The following MKKS variants were observed in gnomAD, a reference collection of about 807,000 sequenced individuals.
The protein encoded by MKKS is molecular chaperone MKKS.
MKKS carries 29 observed loss-of-function variants against 33.2 expected under a neutral mutation model. The ratio of observed to expected loss-of-function variants is 0.87; its 90% confidence interval spans 0.65 to 1.19. The LOEUF (loss-of-function observed/expected upper bound fraction) is 1.19, where lower values mean the gene tolerates loss of function less well. Ranked by LOEUF, MKKS falls within the 50% of genes most tolerant of loss-of-function variation. MKKS has a pLI of 0.00. For synonymous variants in MKKS, 260 were observed against 244.0 expected, an observed-to-expected ratio of 1.07 and a Z score of -0.61; for missense variants, 661 against 662.3, an observed-to-expected ratio of 1.00 and a Z score of 0.02.
chr20:10,406,601 T>C (rs1425705441), intron 5 of MKKS, among the ~76,000 whole-genome samples: 1 of 152,210 alleles, frequency 6.6e-6, no homozygotes, highest in Non-Finnish European at 1.5e-5. Context: ...TAATGATGCA[T>C]TTCTCAGAAT....
At chr20:10,429,791 T>G (rs1195514574) in intron 1 of MKKS, among the ~76,000 whole-genome samples, 1 of 152,166 alleles carries the variant, frequency 6.6e-6, no homozygotes, top group Non-Finnish European at 1.5e-5. Flanking sequence ...TCAATTCCAG[T>G]AGTTCTCAAA....
chr20:10,433,323 C>T (rs2065068290), intron 1 of MKKS, among the ~76,000 whole-genome samples: 1 of 152,194 alleles, frequency 6.6e-6, no homozygotes, highest in Non-Finnish European at 1.5e-5. Flanking sequence ...TATTTTCTAT[C>T]CGCAGTTGGT....
At chr20:10,425,230 T>G (rs143725727) in intron 1 of MKKS, among the ~76,000 whole-genome samples, 4 of 152,280 alleles carry the variant, frequency 2.6e-5, no homozygotes, top group Non-Finnish European at 4.4e-5. Context: ...TAATCCCTCT[T>G]GCAAAGAATA....
intron 4 of MKKS, 65 bp downstream of exon 4, chr20:10,408,563 A>G (rs2064858849): frequency 3.9e-6 from 6 of 1,550,524 alleles, no homozygotes; most frequent in Admixed American, 3.3e-5. Flanking sequence ...AAAAATCATA[A>G]TAACTATTGA....
intron 2 of MKKS, among the ~76,000 whole-genome samples, chr20:10,415,837 A>T (rs182757701): frequency 1.2e-3 from 182 of 152,360 alleles, no homozygotes; most frequent in Admixed American, 3.0e-3. Context: ...AGACCAGTAC[A>T]CATATCTTTT....
intron 1 of MKKS, among the ~76,000 whole-genome samples, chr20:10,429,468 A>C (rs1201383823): frequency 6.6e-6 from 1 of 152,224 alleles, no homozygotes; most frequent in Non-Finnish European, 1.5e-5. Context: ...TTAGACCCAC[A>C]TAATAAACTG....
intron 1 of MKKS, chr20:10,431,660 T>C (rs917297787): frequency 2.0e-5 from 3 of 152,206 alleles, no homozygotes; most frequent in African/African-American, 7.2e-5. Context: ...TCCTCTGAAT[T>C]AGTCTCAATC....
chr20:10,411,966 C>T (rs2122232625), intron 3 of MKKS, among the ~76,000 whole-genome samples: 1 of 152,302 alleles, frequency 6.6e-6, no homozygotes, highest in Non-Finnish European at 1.5e-5. Flanking sequence ...AGAACACCCA[C>T]AGTGGGCCAG....
rs999103744 is a variant in MKKS, at chr20:10,402,635, G to C, written c.*2612C>G. ...AGCCCCTAATCTATAAGATCAATTGGAGAGGTTCGCTGTGTCACCCCTTCT... is the reference window on the plus strand; with the variant it reads ...AGCCCCTAATCTATAAGATCAATTGCAGAGGTTCGCTGTGTCACCCCTTCT... On this transcript the variant is annotated 3_prime_UTR_variant, in exon 6 of 6. Transcript: ENST00000347364. The C allele has an allele frequency of 6.6e-6, 1 of 152,162 alleles. No individual in the cohort carries two copies. The highest frequency in any genetic ancestry group is 2.4e-5 in the African/African-American group (1 of 41,438). 9.4% of individuals were successfully genotyped at this position (152,162 alleles called of 1,614,324 possible).
intron 1 of MKKS, among the ~76,000 whole-genome samples, chr20:10,430,202 T>C (rs1191051039): frequency 1.3e-5 from 2 of 152,218 alleles, no homozygotes; most frequent in African/African-American, 4.8e-5. Context: ...TCAAGCACTT[T>C]AAATCATTTT....
chr20:10,420,835 A>G (rs2064975438), intron 1 of MKKS, 77 bp from the exon 2 acceptor site: 1 of 152,254 alleles, frequency 6.6e-6, no homozygotes, highest in Non-Finnish European at 1.5e-5. Context: ...CTAAATCACT[A>G]CAAGTAGCAT....
At chr20:10,419,870 A>C (rs1460175468) in intron 2 of MKKS, among the ~76,000 whole-genome samples, 1 of 152,222 alleles carries the variant, frequency 6.6e-6, no homozygotes, top group East Asian at 1.9e-4. Flanking sequence ...TTTCTATTTA[A>C]TATTTTCAGA....
At chr20:10,422,708 ATTATC>A (rs1029866767) in intron 1 of MKKS, among the ~76,000 whole-genome samples, 2 of 147,004 alleles carry the variant, frequency 1.4e-5, no homozygotes, top group African/African-American at 5.2e-5. Context: ...ATCAAGTTAT[ATTATC>A]TTTTTTTTTT....
At position 10,405,404 on chromosome 20, in the gene MKKS, GGAC is replaced by G; in HGVS notation, c.1553_1555del (p.Arg518del). 6.2e-7 allele frequency: 1 copy of G among 1,614,170 alleles called. No individual in the cohort carries two copies. On this transcript the variant is annotated inframe_deletion, in exon 6 of 6. Transcript: ENST00000347364. The stretch of plus-strand genomic sequence containing the variant: ...TGGAAGGCAGCTTTGTGGCACAAAT[GGAC>G]GACGTGTGCTTCTTAAGAAAGACCA...
chr20:10,411,010 T>C, intron 3 of MKKS, among the ~76,000 whole-genome samples: 1 of 151,022 alleles, frequency 6.6e-6, no homozygotes, highest in Admixed American at 6.6e-5. Context: ...TTTTTTTTGA[T>C]AGGGAATCTT....
intron 1 of MKKS, among the ~76,000 whole-genome samples, chr20:10,423,123 A>G (rs957031351): frequency 1.3e-5 from 2 of 151,834 alleles, no homozygotes; most frequent in South Asian, 2.1e-4. Flanking sequence ...AAACTCAAGG[A>G]AAAAAAACCC....
chr20:10,430,320 T>G (rs6039924), intron 1 of MKKS, among the ~76,000 whole-genome samples: 72,839 of 152,040 alleles, frequency 0.48, 18,320 homozygotes, highest in Non-Finnish European at 0.56. Context: ...GGCCTTGGAT[T>G]AGTCACTTAA....
At chr20:10,419,754 G>T (rs910284062) in intron 2 of MKKS, among the ~76,000 whole-genome samples, 1 of 152,138 alleles carries the variant, frequency 6.6e-6, no homozygotes, top group African/African-American at 2.4e-5. Flanking sequence ...GACAGACAAG[G>T]GAATGACTCA....
chr20:10,417,584 T>G (rs1311487363), intron 2 of MKKS, among the ~76,000 whole-genome samples: 1 of 151,978 alleles, frequency 6.6e-6, no homozygotes, highest in East Asian at 1.9e-4. Flanking sequence ...CACTGTAGCC[T>G]GGGTGACAAA....
Sources: allele counts gnomAD v4.1 joint callset (sites outside exome capture counted in the v4.1 genomes callset), GRCh38; gene constraint gnomAD v4.1.1; transcripts MANE v1.5; gene names NCBI Gene and HGNC (gene_info 2026-07-23, HGNC 2026-07-21).